POU2F1: variants seen among roughly 807,000 people sequenced by gnomAD.
POU2F1 encodes the protein POU domain, class 2, transcription factor 1.
POU2F1 carries 16 observed loss-of-function variants against 84.9 expected under a neutral mutation model. The observed-to-expected ratio is 0.19, with a 90% CI of 0.13 to 0.29. The LOEUF is 0.29. Among genes scored for constraint, POU2F1 ranks in the 10% least tolerant of loss-of-function variants. The probability of loss-of-function intolerance (pLI) is 1.00; values close to 1 mark genes in which losing one functional copy is unlikely to be tolerated. For synonymous variants in POU2F1, 368 were observed against 368.3 expected (o/e 1.00, Z 0.01); for missense variants, 738 against 942.6 (o/e 0.78, Z 2.84).
At chr1:167,402,421 T>C (rs1335770932) in intron 13 of POU2F1, among the ~76,000 whole-genome samples, 1 of 152,218 alleles carries the variant, frequency 6.6e-6, no homozygotes, top group Non-Finnish European at 1.5e-5. Flanking sequence ...AATGGCTTTA[T>C]ATTATATTAA....
At chr1:167,370,782 A>G (rs1169646942) in intron 4 of POU2F1, among the ~76,000 whole-genome samples, 1 of 152,212 alleles carries the variant, frequency 6.6e-6, no homozygotes. Flanking sequence ...TTAGGCTTCT[A>G]ATAATTGTAA....
chr1:167,309,341 A>G (rs1334997442), intron 1 of POU2F1, among the ~76,000 whole-genome samples: 1 of 152,212 alleles, frequency 6.6e-6, no homozygotes, highest in African/African-American at 2.4e-5. Flanking sequence ...AAAACTTCTA[A>G]TTCCAATTTA....
At chr1:167,247,855 G>A (rs1263054984) in intron 1 of POU2F1, among the ~76,000 whole-genome samples, 3 of 152,194 alleles carry the variant, frequency 2.0e-5, no homozygotes, top group African/African-American at 2.4e-5. Flanking sequence ...AAACTGTGCA[G>A]ATTTTGAATG....
At chr1:167,295,659 G>A (rs1654243669) in intron 1 of POU2F1, among the ~76,000 whole-genome samples, 1 of 152,122 alleles carries the variant, frequency 6.6e-6, no homozygotes, top group South Asian at 2.1e-4. Context: ...AATTTTAAAA[G>A]ACATTTTAGC....
intron 1 of POU2F1, among the ~76,000 whole-genome samples, chr1:167,314,139 A>T (rs537051372): frequency 6.7e-6 from 1 of 149,980 alleles, no homozygotes; most frequent in South Asian, 2.2e-4. Context: ...CAGAGGTTGC[A>T]GTGAGCTGAG....
At chr1:167,260,875 G>A (rs1199346608) in intron 1 of POU2F1, among the ~76,000 whole-genome samples, 1 of 151,962 alleles carries the variant, frequency 6.6e-6, no homozygotes, top group Non-Finnish European at 1.5e-5. Context: ...AAATTTTAGT[G>A]CATTTAATGC....
In POU2F1 at chr1:167,415,961, A is replaced by C; in HGVS notation, c.*151A>C. 4.1e-6 allele frequency: 3 copies of C among 726,254 alleles called. No individual in the cohort carries two copies. Among genetic ancestry groups the C allele is most frequent in the Admixed American group, 3.1e-5 (1 of 32,166 alleles). 45.0% of individuals were successfully genotyped at this position (726,254 alleles called of 1,614,324 possible). Reference sequence around the variant, plus strand: ...AGGGAGAAAAAAAAAAAAAAACCACACACACCCATACACACATACCAGAAA... The same window carrying C: ...AGGGAGAAAAAAAAAAAAAAACCACCCACACCCATACACACATACCAGAAA... On this transcript the variant is annotated 3_prime_UTR_variant, in exon 16 of 16. Transcript: ENST00000367866.
chr1:167,338,135 T>C, intron 2 of POU2F1: 1 of 466,296 alleles, frequency 2.1e-6, no homozygotes, highest in South Asian at 1.5e-5. Flanking sequence ...TGCCTCCCCT[T>C]CCAGCTTTTT....
intron 1 of POU2F1, among the ~76,000 whole-genome samples, chr1:167,235,155 C>G (rs188287829): frequency 4.3e-3 from 650 of 152,242 alleles, no homozygotes; most frequent in Non-Finnish European, 7.6e-3. Flanking sequence ...CCTGCATCAC[C>G]TTGTTGAGTT....
chr1:167,374,674 G>A (rs1326188883), intron 6 of POU2F1, among the ~76,000 whole-genome samples: 1 of 152,170 alleles, frequency 6.6e-6, no homozygotes, highest in African/African-American at 2.4e-5. Flanking sequence ...GTGAGACAGT[G>A]AGTCATCTCT....
intron 1 of POU2F1, among the ~76,000 whole-genome samples, chr1:167,247,526 T>C (rs1650423638): frequency 6.6e-6 from 1 of 152,254 alleles, no homozygotes. Context: ...CCTGAAAATA[T>C]CCATCCCCAC....
chr1:167,370,564 A>G (rs1659943390), intron 4 of POU2F1, among the ~76,000 whole-genome samples: 1 of 152,178 alleles, frequency 6.6e-6, no homozygotes, highest in African/African-American at 2.4e-5. Flanking sequence ...GTTATTTATC[A>G]TTTTTGATGT....
chr1:167,386,740 C>G (rs1316303837), intron 8 of POU2F1, among the ~76,000 whole-genome samples: 1 of 152,116 alleles, frequency 6.6e-6, no homozygotes, highest in Non-Finnish European at 1.5e-5. Context: ...CTGTGAATCT[C>G]AAAAGCATTA....
At chr1:167,236,868 A>T (rs144517388) in intron 1 of POU2F1, among the ~76,000 whole-genome samples, 1 of 152,356 alleles carries the variant, frequency 6.6e-6, no homozygotes, top group East Asian at 1.9e-4. Flanking sequence ...CTCTAAAGGC[A>T]ATTTTAATTT....
rs1459444954 is a variant in POU2F1, at chr1:167,426,418, AAAAG to A, written c.*10612_*10615del. On this transcript the variant is annotated 3_prime_UTR_variant, in exon 16 of 16. Coordinates refer to ENST00000367866, the MANE Select transcript of POU2F1 (RefSeq NM_002697.4). The stretch of plus-strand genomic sequence containing the variant: ...TTCACTGCCTAGGTGTTCATAATAA[AAAAG>A]AAAATGAAAAAAGTTCTGAGTGTAC... 10 of 152,180 alleles carry A rather than the reference AAAAG, an allele frequency of 6.6e-5. No homozygotes were observed. Among genetic ancestry groups the A allele is most frequent in the South Asian group, 2.1e-4 (1 of 4,828 alleles). The allele number at this position is 152,180 out of a possible 1,614,324, so 9.4% of individuals were successfully genotyped here.
rs572919619 is a variant in POU2F1, at chr1:167,380,630, A to G, written c.719-3227A>G. The stretch of plus-strand genomic sequence containing the variant: ...GTAATTAATAGCATCAGAGAAGCTG[A>G]AAATCCAAAGAGCTAATCTCTTAAC... On this transcript the variant is annotated intron_variant, in intron 7 of 15. Transcript: ENST00000367866. The G allele has an allele frequency of 1.3e-4, 20 of 152,376 alleles. 1 individual carries two copies. The South Asian group carries it at 4.1e-3, about 32-fold the overall frequency. The allele number at this position is 152,376 out of a possible 1,614,324, so 9.4% of individuals were successfully genotyped here.
intron 1 of POU2F1, among the ~76,000 whole-genome samples, chr1:167,331,764 A>G (rs1271668568): frequency 3.3e-5 from 5 of 152,088 alleles, no homozygotes; most frequent in Non-Finnish European, 7.4e-5. Flanking sequence ...AACTCAAATT[A>G]GCAGTTTCAT....
chr1:167,333,963 A>G (rs1657251007), intron 2 of POU2F1, among the ~76,000 whole-genome samples: 2 of 151,908 alleles, frequency 1.3e-5, no homozygotes, highest in Non-Finnish European at 2.9e-5. Context: ...TGGGCAGGAC[A>G]CCTGTGCCTA....
At chr1:167,397,729 A>G (rs1648911821) in intron 10 of POU2F1, among the ~76,000 whole-genome samples, 1 of 152,078 alleles carries the variant, frequency 6.6e-6, no homozygotes. Flanking sequence ...TATTTTTGGT[A>G]GAGATGGGGT....
Sources: allele counts gnomAD v4.1 joint callset (sites outside exome capture counted in the v4.1 genomes callset), GRCh38; gene constraint gnomAD v4.1.1; transcripts MANE v1.5; gene names NCBI Gene and HGNC (gene_info 2026-07-23, HGNC 2026-07-21).